Variants in THOP1 observed in about 807,000 individuals in gnomAD.
THOP1 encodes thimet oligopeptidase 1, also known as thimet oligopeptidase.
In THOP1, 49 loss-of-function variants were observed where a neutral mutation model predicts 71.8. The observed-to-expected ratio is 0.68, with a 90% CI of 0.54 to 0.87. The LOEUF is 0.87. Among genes scored for constraint, THOP1 ranks in the 40% least tolerant of loss-of-function variants. THOP1 has a pLI of 0.00. For synonymous variants in THOP1, 426 were observed against 421.5 expected (o/e 1.01, Z -0.13); for missense variants, 843 against 975.6 (o/e 0.86, Z 1.81).
chr19:2,798,650 G>A (rs1459585920), intron 4 of THOP1, among the ~76,000 whole-genome samples: 3 of 152,232 alleles, frequency 2.0e-5, no homozygotes, highest in African/African-American at 7.2e-5. Flanking sequence ...TCCCAGGAGA[G>A]GCCCAGCAAA....
At chr19:2,799,254 G>T (rs1325903093) in intron 4 of THOP1, among the ~76,000 whole-genome samples, 8 of 152,198 alleles carry the variant, frequency 5.3e-5, no homozygotes, top group Non-Finnish European at 8.8e-5. Flanking sequence ...TGAGTTGGGA[G>T]GTTGAGGCTG....
intron 2 of THOP1, among the ~76,000 whole-genome samples, chr19:2,791,057 G>T (rs1349054867): frequency 6.6e-6 from 1 of 152,218 alleles, no homozygotes; most frequent in East Asian, 1.9e-4. Flanking sequence ...GCGGGTATTT[G>T]TTTCTCTCTG....
chr19:2,795,029 G>A, intron 3 of THOP1, 117 bp downstream of exon 3: 1 of 1,258,534 alleles, frequency 7.9e-7, no homozygotes, highest in East Asian at 2.6e-5. Context: ...TCAACGTGTT[G>A]GTCAGGCTAG....
chr19:2,810,953 T>G (rs1321630531), intron 11 of THOP1, among the ~76,000 whole-genome samples, 185 bp downstream of exon 11: 1 of 152,158 alleles, frequency 6.6e-6, no homozygotes, highest in Admixed American at 6.5e-5. Context: ...AGGCCCAGGG[T>G]CGGGGACGGG....
intron 4 of THOP1, among the ~76,000 whole-genome samples, chr19:2,798,465 C>T (rs368698078): frequency 5.9e-5 from 9 of 152,222 alleles, no homozygotes; most frequent in African/African-American, 1.2e-4. Context: ...GACAGAAGCG[C>T]GGAAAAGGTG....
chr19:2,812,637 C>T (rs1440528918), intron 12 of THOP1, among the ~76,000 whole-genome samples: 2 of 152,186 alleles, frequency 1.3e-5, no homozygotes, highest in Non-Finnish European at 2.9e-5. Flanking sequence ...CTGCAGTCCG[C>T]GCAGGCTCCT....
In THOP1 at chr19:2,810,408, G is replaced by C; in HGVS notation, c.1560G>C (p.Arg520=). The C allele has an allele frequency of 1.2e-6, 2 of 1,609,250 alleles. No individual in the cohort carries two copies. The highest frequency in any genetic ancestry group is 1.7e-6 in the Non-Finnish European group (2 of 1,179,248). Reference sequence around the variant, plus strand: ...TGTGGGAGCAGGAGCCGCTGCTGCGGATGTCGCGGCACTACCGCACAGGCA... The same window carrying C: ...TGTGGGAGCAGGAGCCGCTGCTGCGCATGTCGCGGCACTACCGCACAGGCA... ...NWVWEQEPLL[R]MSRHYRTGSA... The change falls in exon 10 of 13, where the codon CGG becomes CGC. Residue 520 remains arginine (R), a synonymous_variant. Coordinates refer to ENST00000307741, the MANE Select transcript of THOP1 (RefSeq NM_003249.5).
At chr19:2,794,163 C>T (rs558958045) in intron 2 of THOP1, among the ~76,000 whole-genome samples, 49 of 152,110 alleles carry the variant, frequency 3.2e-4, no homozygotes, top group African/African-American at 9.2e-4. Flanking sequence ...TACAGGCACG[C>T]GCCACCACGC....
At chr19:2,812,472 A>G (rs1916502611) in intron 12 of THOP1, 2 of 1,344,498 alleles carry the variant, frequency 1.5e-6, no homozygotes, top group Non-Finnish European at 1.9e-6. Context: ...CCCTGTCTTC[A>G]CAGCCCAGCA....
intron 5 of THOP1, among the ~76,000 whole-genome samples, chr19:2,803,053 C>T (rs570169850): frequency 3.4e-4 from 52 of 152,300 alleles, no homozygotes; most frequent in Middle Eastern, 6.8e-3. Flanking sequence ...ACCGCAGGCT[C>T]GGCCTCTGAG....
intron 4 of THOP1, among the ~76,000 whole-genome samples, chr19:2,798,985 C>T (rs997828012): frequency 1.5e-4 from 23 of 152,210 alleles, no homozygotes; most frequent in Admixed American, 1.0e-3. Flanking sequence ...TCACCAGGGT[C>T]GAGTTTTAGC....
At chr19:2,790,797 G>A (rs1315046769) in intron 2 of THOP1, among the ~76,000 whole-genome samples, 164 bp downstream of exon 2, 1 of 152,244 alleles carries the variant, frequency 6.6e-6, no homozygotes, top group Non-Finnish European at 1.5e-5. Flanking sequence ...CAGGCTGGTC[G>A]TGGTGGCTAA....
At position 2,791,785 on chromosome 19, in the gene THOP1, C is replaced by T. The variant is rs1045790917; in HGVS notation, c.229+1152C>T. Among the ~76,000 whole-genome samples, 6 of 152,280 alleles carry T rather than the reference C, an allele frequency of 3.9e-5. No individual in the cohort carries two copies. The South Asian group carries it at 8.3e-4, about 21-fold the overall frequency. On this transcript the variant is annotated intron_variant, in intron 2 of 12. Coordinates refer to ENST00000307741, the MANE Select transcript of THOP1 (RefSeq NM_003249.5). ...TTTCCTCTCCTCCTTCACATGGTGGCGAGACTAGCATTAAAGGAAACTGAA... is the reference window on the plus strand; with the variant it reads ...TTTCCTCTCCTCCTTCACATGGTGGTGAGACTAGCATTAAAGGAAACTGAA...
At chr19:2,807,831 G>T in intron 8 of THOP1, 23 bp downstream of exon 8, 1 of 1,442,646 alleles carries the variant, frequency 6.9e-7, no homozygotes, top group South Asian at 1.5e-5. Flanking sequence ...AGCGGGGGCG[G>T]GGGGCGCACC....
At chr19:2,813,057 G>T in intron 12 of THOP1, 58 bp from the exon 13 acceptor site, 1 of 1,535,798 alleles carries the variant, frequency 6.5e-7, no homozygotes, top group Non-Finnish European at 8.8e-7. Flanking sequence ...GACTCCTGGG[G>T]TCCTCTGCCT....
At position 2,807,800 on chromosome 19, in the gene THOP1, G is replaced by T; in HGVS notation, c.1245G>T (p.Leu415=). Residue 415 remains leucine, a synonymous_variant, in exon 8 of 13, where the codon CTG becomes CTT. Transcript: ENST00000307741. ...TGGTCGGCAAGTTCTACCTGGACCT[G>T]TACCCGCGGTGGGTGAGGGCAGCGG... The part of the protein sequence containing the change: ...GEVVGKFYLD[L]YPREGKYGHA... 1 of 1,496,734 alleles carries T rather than the reference G, an allele frequency of 6.7e-7. No homozygotes were observed. The highest frequency in any genetic ancestry group is 8.9e-7 in the Non-Finnish European group (1 of 1,124,132). The allele number at this position is 1,496,734 out of a possible 1,614,324, so 92.7% of individuals were successfully genotyped here. A position where few individuals can be genotyped will look rare whatever the true frequency, so the allele number is the denominator to read the frequency against.
intron 2 of THOP1, among the ~76,000 whole-genome samples, chr19:2,790,935 C>CT (rs1158961325): frequency 6.6e-6 from 1 of 152,240 alleles, no homozygotes; most frequent in African/African-American, 2.4e-5. Context: ...GTTGTGTGAT[C>CT]TGAGAGCCGG....
At chr19:2,802,104 C>T (rs1916158058) in intron 5 of THOP1, among the ~76,000 whole-genome samples, 1 of 151,252 alleles carries the variant, frequency 6.6e-6, no homozygotes, top group Admixed American at 6.6e-5. Context: ...TGCTACCTCT[C>T]AATACCACCA....
At position 2,813,357 on chromosome 19, in the gene THOP1, C is replaced by CTCTG; in HGVS notation, c.*82_*85dup. 6.9e-7 allele frequency: 1 copy of CTCTG among 1,449,308 alleles called. No individual in the cohort carries two copies. The highest frequency in any genetic ancestry group is 9.2e-7 in the Non-Finnish European group (1 of 1,091,154). The allele number at this position is 1,449,308 out of a possible 1,614,324, so 89.8% of individuals were successfully genotyped here. A position where few individuals can be genotyped will look rare whatever the true frequency, so the allele number is the denominator to read the frequency against. ...AGCCCCCGGCACAGGATGGGGCAGG[C>CTCTG]TCTGGCACAGTGCCTGGGACTGGCA... On this transcript the variant is annotated 3_prime_UTR_variant, in exon 13 of 13. Transcript: ENST00000307741.
Sources: gnomAD v4.1 joint callset for allele counts (sites outside exome capture counted in the v4.1 genomes callset) on GRCh38, gnomAD v4.1.1 for gene constraint, MANE v1.5 for transcripts, NCBI Gene and HGNC (gene_info 2026-07-23, HGNC 2026-07-21) for gene names.